The following CNTN4 variants were observed in gnomAD, a reference collection of about 807,000 sequenced individuals.
CNTN4 encodes contactin 4, also known as contactin-4.
A neutral mutation model predicts 122.5 loss-of-function variants in CNTN4; 77 were observed. The observed-to-expected ratio is 0.63, with a 90% CI of 0.52 to 0.76. CNTN4 has a LOEUF of 0.76. Among genes scored for constraint, CNTN4 ranks in the 30% least tolerant of loss-of-function variants. CNTN4 has a pLI of 0.00. For synonymous variants in CNTN4, 512 were observed against 447.0 expected, an observed-to-expected ratio of 1.15 and a Z score of -1.83; for missense variants, 1,256 against 1,259.1, an observed-to-expected ratio of 1.00 and a Z score of 0.04.
chr3:2,284,993 A>C (rs573430231), intron 2 of CNTN4, among the ~76,000 whole-genome samples: 2 of 152,062 alleles, frequency 1.3e-5, no homozygotes, highest in East Asian at 3.9e-4. Context: ...TTCTCTCTAT[A>C]TATATTTTTG....
intron 4 of CNTN4, among the ~76,000 whole-genome samples, chr3:2,730,722 G>C (rs373909927): frequency 5.9e-5 from 9 of 152,220 alleles, no homozygotes; most frequent in East Asian, 3.9e-4. Context: ...CTGTGGGCTT[G>C]ATATTTGGGC....
At chr3:2,810,085 C>T (rs1440753427) in intron 6 of CNTN4, among the ~76,000 whole-genome samples, 4 of 152,114 alleles carry the variant, frequency 2.6e-5, no homozygotes, top group South Asian at 2.1e-4. Context: ...ATGGTTTCAT[C>T]CCTGTTATTT....
rs138191263 is a variant in CNTN4, at chr3:2,770,015, TTTTGTTTG to T, written c.358+24334_358+24341del. Among the ~76,000 whole-genome samples, 87 of 140,458 alleles carry T rather than the reference TTTTGTTTG, an allele frequency of 6.2e-4. No individual in the cohort carries two copies. The Middle Eastern group carries it at 0.015, about 24-fold the overall frequency. 92.1% of individuals were successfully genotyped at this position (140,458 alleles called of 152,430 possible). A position where few individuals can be genotyped will look rare whatever the true frequency, so the allele number is the denominator to read the frequency against. On this transcript the variant is annotated intron_variant, in intron 6 of 24. Transcript: ENST00000418658. ...TTCTCTTCCATCTCTCTCTGTCTCT[TTTTGTTTG>T]TTTGTTTGTTTGTTTTTTTTTTTTG...
At chr3:2,556,876 A>C (rs1441040063) in intron 3 of CNTN4, among the ~76,000 whole-genome samples, 1 of 152,162 alleles carries the variant, frequency 6.6e-6, no homozygotes, top group African/African-American at 2.4e-5. Context: ...GATGTTGAAA[A>C]GAAATGGAAC....
chr3:2,391,831 A>G (rs1361997462), intron 3 of CNTN4, among the ~76,000 whole-genome samples: 1 of 152,166 alleles, frequency 6.6e-6, no homozygotes, highest in African/African-American at 2.4e-5. Flanking sequence ...ATTTTGACCC[A>G]GGAAAGCTCA....
chr3:2,197,051 A>G (rs923354485), intron 2 of CNTN4, among the ~76,000 whole-genome samples: 9 of 127,428 alleles, frequency 7.1e-5, no homozygotes, highest in Admixed American at 6.3e-4. Context: ...GTCTCACCAG[A>G]AAAAAAAAAA....
intron 6 of CNTN4, among the ~76,000 whole-genome samples, chr3:2,798,428 A>G (rs910430801): frequency 5.6e-5 from 5 of 89,368 alleles, no homozygotes; most frequent in Non-Finnish European, 1.1e-4. Flanking sequence ...TCTTTATCCA[A>G]TCATCTGTTG....
intron 6 of CNTN4, among the ~76,000 whole-genome samples, chr3:2,756,286 T>C (rs1409395923): frequency 6.6e-6 from 1 of 152,144 alleles, no homozygotes; most frequent in Non-Finnish European, 1.5e-5. Context: ...GGGCCTTTGG[T>C]GGTGATTAGG....
rs6809629 is a variant in CNTN4, at chr3:2,473,519, G to C, written c.-88-97897G>C. ...TCAGATAAAATTAAAATTTCAGTTCGTAAATTATACTACCCTTATTTCAGA... is the reference window on the plus strand; with the variant it reads ...TCAGATAAAATTAAAATTTCAGTTCCTAAATTATACTACCCTTATTTCAGA... On this transcript the variant is annotated intron_variant, in intron 3 of 24. Transcript: ENST00000418658. Among the ~76,000 whole-genome samples the C allele has an allele frequency of 9.5e-3, 1,453 of 152,190 alleles. 23 individuals are homozygous for C. The highest frequency in any genetic ancestry group is 0.033 in the African/African-American group (1,364 of 41,516).
chr3:2,616,925 A>ACTGG (rs1279646621), intron 4 of CNTN4, among the ~76,000 whole-genome samples: 1 of 152,180 alleles, frequency 6.6e-6, no homozygotes, highest in African/African-American at 2.4e-5. Context: ...TGCTGGGAAA[A>ACTGG]CTGGCTAGCC....
intron 13 of CNTN4, among the ~76,000 whole-genome samples, chr3:2,943,958 T>A (rs1239531812): frequency 6.6e-6 from 1 of 152,158 alleles, no homozygotes; most frequent in African/African-American, 2.4e-5. Flanking sequence ...GATACCCATA[T>A]GATGCACTTT....
At chr3:2,843,107 A>C (rs2093392895) in intron 7 of CNTN4, among the ~76,000 whole-genome samples, 1 of 152,184 alleles carries the variant, frequency 6.6e-6, no homozygotes, top group Non-Finnish European at 1.5e-5. Context: ...GTTGTCCAGT[A>C]GGCATCTCAA....
intron 14 of CNTN4, among the ~76,000 whole-genome samples, chr3:3,006,884 G>A (rs1252042733): frequency 6.6e-6 from 1 of 152,170 alleles, no homozygotes; most frequent in Non-Finnish European, 1.5e-5. Context: ...CTGGTGTTGA[G>A]TGTGTACCTT....
intron 6 of CNTN4, among the ~76,000 whole-genome samples, chr3:2,818,058 A>T (rs2092778508): frequency 6.6e-6 from 1 of 152,100 alleles, no homozygotes; most frequent in South Asian, 2.1e-4. Flanking sequence ...CACAGCCCAA[A>T]CCTGGCAGTC....
At chr3:2,974,953 A>T (rs537729084) in intron 13 of CNTN4, among the ~76,000 whole-genome samples, 1 of 151,862 alleles carries the variant, frequency 6.6e-6, no homozygotes, top group East Asian at 1.9e-4. Flanking sequence ...TCTTATAGAA[A>T]CCTCTTCTCA....
chr3:2,182,243 G>A (rs1372139275), intron 2 of CNTN4, among the ~76,000 whole-genome samples: 1 of 151,626 alleles, frequency 6.6e-6, no homozygotes, highest in African/African-American at 2.4e-5. Context: ...CTTTACTTGG[G>A]TTTCTCTATT....
intron 2 of CNTN4, among the ~76,000 whole-genome samples, chr3:2,202,061 C>A (rs1559338074): frequency 6.6e-6 from 1 of 152,236 alleles, no homozygotes; most frequent in East Asian, 1.9e-4. Flanking sequence ...CTACTAGAGT[C>A]ACTTGTTAGA....
At chr3:2,725,330 G>C (rs9869376) in intron 4 of CNTN4, among the ~76,000 whole-genome samples, 1 of 151,934 alleles carries the variant, frequency 6.6e-6, no homozygotes, top group South Asian at 2.1e-4. Flanking sequence ...CCTGCACCCC[G>C]TCCCCAAATC....
intron 6 of CNTN4, among the ~76,000 whole-genome samples, chr3:2,782,206 C>G (rs2091621691): frequency 6.6e-6 from 1 of 151,678 alleles, no homozygotes. Context: ...CATGTCTGAC[C>G]CCAGCTTCCC....
Sources: allele counts gnomAD v4.1 joint callset (sites outside exome capture counted in the v4.1 genomes callset), GRCh38; gene constraint gnomAD v4.1.1; transcripts MANE v1.5; gene names NCBI Gene and HGNC (gene_info 2026-07-23, HGNC 2026-07-21).